Variants in TIA1 observed in about 807,000 individuals in gnomAD.
TIA1 encodes TIA1 cytotoxic granule associated RNA binding protein.
In TIA1, 23 loss-of-function variants were observed where a neutral mutation model predicts 65.9. That is an observed-to-expected ratio of 0.35 (90% CI 0.25 to 0.49). The LOEUF is 0.49. Ranked by LOEUF, TIA1 falls within the 20% of genes least tolerant of loss-of-function variation. TIA1 has a pLI of 0.98. For synonymous variants in TIA1, 147 were observed against 149.4 expected (o/e 0.98, Z 0.12); for missense variants, 371 against 477.9 (o/e 0.78, Z 2.09).
At position 70,247,497 on chromosome 2, in the gene TIA1, T is replaced by C. The variant is rs776480437; in HGVS notation, c.26+908A>G. 3.3e-5 allele frequency among the ~76,000 whole-genome samples: 5 copies of C among 152,298 alleles called. No individual in the cohort carries two copies. The East Asian group carries it at 5.8e-4, about 18-fold the overall frequency. On this transcript the variant is annotated intron_variant, in intron 1 of 12. Coordinates refer to ENST00000433529, the MANE Select transcript of TIA1 (RefSeq NM_022173.4). ...AACAAAAAGCTATGTCAAGAACTCA[T>C]TGAGCTTTTCTTCTTCCGAGAAATG...
In TIA1 at chr2:70,210,778, T is replaced by TAA. The variant is rs1184119922; in HGVS notation, c.*1940_*1941insTT. ...TTTTAAAATATTTCATTTAAGCTGC[T>TAA]TTTGGTTGCATGCCCTGATCTGTAG... On this transcript the variant is annotated 3_prime_UTR_variant, in exon 13 of 13. Transcript: ENST00000433529. The TAA allele has an allele frequency of 6.6e-6, 1 of 152,226 alleles. No individual in the cohort carries two copies. Among genetic ancestry groups the TAA allele is most frequent in the Non-Finnish European group, 1.5e-5 (1 of 68,040 alleles). The allele number at this position is 152,226 out of a possible 1,614,324, so 9.4% of individuals were successfully genotyped here.
chr2:70,234,429 C>T lies in TIA1; in HGVS notation c.123+1650G>A, dbSNP rs998034373. Among the ~76,000 whole-genome samples the T allele has an allele frequency of 5.3e-5, 8 of 152,084 alleles. No homozygotes were observed. In the East Asian group the frequency reaches 7.7e-4, roughly 15 times the overall value. On this transcript the variant is annotated intron_variant, in intron 2 of 12. Transcript: ENST00000433529. ...TTTTCTCCTTTATCCAAAGGCATAC[C>T]GATATTAAATGTGATAGAATAAAAG...
intron 3 of TIA1, 118 bp downstream of exon 3, chr2:70,230,638 G>A (rs1685837063): frequency 4.2e-5 from 30 of 714,660 alleles, no homozygotes; most frequent in Non-Finnish European, 5.5e-5. Flanking sequence ...GGCAACAAGG[G>A]CAAAATTTCA....
intron 1 of TIA1, among the ~76,000 whole-genome samples, chr2:70,237,675 C>T (rs944561845): frequency 2.0e-5 from 3 of 150,654 alleles, no homozygotes; most frequent in Admixed American, 6.6e-5. Context: ...ACCAGCCTGG[C>T]CAACACAGTG....
At chr2:70,218,050 A>G (rs900611600) in intron 7 of TIA1, among the ~76,000 whole-genome samples, 5 of 152,266 alleles carry the variant, frequency 3.3e-5, no homozygotes, top group Admixed American at 1.3e-4. Flanking sequence ...AAACAAGCAT[A>G]CATGGTCTCT....
intron 7 of TIA1, among the ~76,000 whole-genome samples, chr2:70,219,529 G>C (rs1680235055): frequency 6.6e-6 from 1 of 152,038 alleles, no homozygotes; most frequent in Admixed American, 6.6e-5. Context: ...CTGTCATCCA[G>C]GCATGATCAC....
intron 5 of TIA1, chr2:70,228,515 T>TA: frequency 8.6e-7 from 1 of 1,169,162 alleles, no homozygotes; most frequent in South Asian, 1.6e-5. Context: ...TCAGAACCAT[T>TA]AAAAAAGCAT....
intron 1 of TIA1, among the ~76,000 whole-genome samples, chr2:70,241,898 C>T (rs977254236): frequency 2.0e-5 from 3 of 150,566 alleles, no homozygotes; most frequent in Non-Finnish European, 4.4e-5. Flanking sequence ...AGAGTGAGAC[C>T]TTACCTCTAA....
intron 7 of TIA1, among the ~76,000 whole-genome samples, chr2:70,221,863 C>T (rs1262049880): frequency 6.6e-6 from 1 of 152,028 alleles, no homozygotes; most frequent in African/African-American, 2.4e-5. Context: ...TCTCAGCTCA[C>T]TGGATCCTCA....
intron 2 of TIA1, among the ~76,000 whole-genome samples, chr2:70,233,057 A>G (rs1195988782): frequency 6.6e-6 from 1 of 152,206 alleles, no homozygotes; most frequent in Non-Finnish European, 1.5e-5. Context: ...TCCTAAACAG[A>G]TTTGTTAAAA....
intron 2 of TIA1, among the ~76,000 whole-genome samples, chr2:70,232,877 A>C (rs1475355079): frequency 3.3e-5 from 5 of 152,138 alleles, no homozygotes; most frequent in African/African-American, 7.2e-5. Context: ...CAAAAAAAAA[A>C]ACAAAACTTC....
intron 1 of TIA1, among the ~76,000 whole-genome samples, chr2:70,245,925 T>A (rs1194248644): frequency 3.9e-5 from 3 of 77,586 alleles, no homozygotes; most frequent in Middle Eastern, 5.5e-3. Context: ...TTTTTTTTTT[T>A]TTTTTTTTTT....
At chr2:70,246,068 C>T (rs960152076) in intron 1 of TIA1, among the ~76,000 whole-genome samples, 1 of 152,110 alleles carries the variant, frequency 6.6e-6, no homozygotes, top group Non-Finnish European at 1.5e-5. Flanking sequence ...GGATTACAGG[C>T]ATGCGCCACC....
chr2:70,225,872 A>T (rs966832664), intron 6 of TIA1, among the ~76,000 whole-genome samples: 1 of 152,150 alleles, frequency 6.6e-6, no homozygotes, highest in African/African-American at 2.4e-5. Flanking sequence ...ATAAGGGAAA[A>T]TACCATATTT....
At chr2:70,227,597 A>G (rs1684356013) in intron 6 of TIA1, 138 bp downstream of exon 6, 1 of 504,844 alleles carries the variant, frequency 2.0e-6, no homozygotes. Context: ...AACTTCTTGA[A>G]TGATCTCTAA....
chr2:70,232,155 G>A (rs554027469), intron 2 of TIA1, among the ~76,000 whole-genome samples: 2 of 144,188 alleles, frequency 1.4e-5, no homozygotes, highest in African/African-American at 5.1e-5. Context: ...TGTGCAGTGA[G>A]CCGAGATTGC....
chr2:70,221,225 TCGAACTTCTGACCTCATGATCTG>T (rs2104145796), intron 7 of TIA1, among the ~76,000 whole-genome samples: 1 of 152,246 alleles, frequency 6.6e-6, no homozygotes, highest in South Asian at 2.1e-4. Flanking sequence ...CAGGCTGGTC[TCGAACTTCTGACCTCATGATCTG>T]CTTGCCTCGG....
chr2:70,239,605 A>G (rs544630970), intron 1 of TIA1, among the ~76,000 whole-genome samples: 18 of 152,324 alleles, frequency 1.2e-4, no homozygotes, highest in African/African-American at 4.3e-4. Context: ...ACATGCTCAC[A>G]AAGTGTGGAA....
intron 7 of TIA1, among the ~76,000 whole-genome samples, chr2:70,222,158 A>C (rs1044443279): frequency 5.3e-5 from 8 of 152,026 alleles, no homozygotes; most frequent in African/African-American, 1.9e-4. Context: ...CAAAAAAAAA[A>C]CAATGAAGCA....
Sources: allele counts gnomAD v4.1 joint callset (sites outside exome capture counted in the v4.1 genomes callset), GRCh38; gene constraint gnomAD v4.1.1; transcripts MANE v1.5; gene names NCBI Gene and HGNC (gene_info 2026-07-23, HGNC 2026-07-21).